Variants in MLIP observed in about 807,000 individuals in gnomAD.
MLIP encodes the protein muscular LMNA-interacting protein.
Under a neutral mutation model 84.8 loss-of-function variants are expected in MLIP, and 79 were observed. The observed-to-expected ratio is 0.93, with a 90% CI of 0.78 to 1.12. The LOEUF (loss-of-function observed/expected upper bound fraction) is 1.12, where lower values mean the gene tolerates loss of function less well. Ranked by LOEUF, MLIP falls within the 50% of genes most tolerant of loss-of-function variation. The pLI is 0.00. For missense variants in MLIP, 1,257 were observed against 1,160.6 expected (o/e 1.08, Z -1.21); for synonymous variants, 504 against 463.0 (o/e 1.09, Z -1.14).
chr6:54,080,040 G>C (rs994498358), intron 1 of MLIP, among the ~76,000 whole-genome samples: 1 of 152,116 alleles, frequency 6.6e-6, no homozygotes, highest in Admixed American at 6.6e-5. Flanking sequence ...AGTTCCTCTG[G>C]CATCACCAGC....
At chr6:54,217,103 G>T (rs567557010) in intron 11 of MLIP, 2 of 985,430 alleles carry the variant, frequency 2.0e-6, no homozygotes, top group East Asian at 2.3e-4. Context: ...GTGGGAAGAT[G>T]GAAGACAGGA....
At chr6:54,084,986 A>G (rs772573402) in intron 1 of MLIP, among the ~76,000 whole-genome samples, 2 of 152,168 alleles carry the variant, frequency 1.3e-5, no homozygotes, top group African/African-American at 2.4e-5. Flanking sequence ...CCACTTCTTG[A>G]AGACATTTCT....
intron 4 of MLIP, among the ~76,000 whole-genome samples, chr6:54,141,339 C>T (rs1238197449): frequency 1.6e-5 from 2 of 126,446 alleles, no homozygotes; most frequent in Non-Finnish European, 1.6e-5. Flanking sequence ...ACACGTCCCA[C>T]TGTGTCGCCC....
Position 54,137,985 on chromosome 6 carries a change from C to A in MLIP, c.1916C>A (p.Ser639Ter). The change falls in exon 4 of 14, where the codon TCA becomes TAA. Residue 639 changes from serine (S) to a stop codon, truncating the protein, a stop_gained. Coordinates refer to ENST00000502396, the MANE Select transcript of MLIP (RefSeq NM_001281747.2). LOFTEE classifies it high-confidence loss of function. ...SQLSGQELNP[S>*]ALPSLPVSSA... is the part of the protein sequence containing the mutation. The stretch of plus-strand genomic sequence containing the variant: ...CTATCTGGCCAGGAGCTGAATCCTT[C>A]AGCTCTTCCTTCACTCCCTGTCTCC... The A allele has an allele frequency of 6.5e-7, 1 of 1,536,106 alleles. No homozygotes were observed. Among genetic ancestry groups the A allele is most frequent in the Non-Finnish European group, 8.7e-7 (1 of 1,146,876 alleles).
chr6:54,179,076 C>T (rs1776589856), intron 9 of MLIP, among the ~76,000 whole-genome samples: 1 of 152,128 alleles, frequency 6.6e-6, no homozygotes, highest in Non-Finnish European at 1.5e-5. Flanking sequence ...TCTGGGTGCT[C>T]CAGTGTTGGC....
chr6:54,199,873 C>G (rs1778553589), intron 10 of MLIP, among the ~76,000 whole-genome samples: 1 of 151,868 alleles, frequency 6.6e-6, no homozygotes, highest in Non-Finnish European at 1.5e-5. Flanking sequence ...CATATGAAGA[C>G]CAAGTAAGTA....
Position 54,261,590 on chromosome 6 carries a change from T to C in MLIP, c.2976+4229T>C, listed in dbSNP as rs115321620. ...GGTGACTATGACTGATTTGCCACTT[T>C]GGTGGTATATAAGCTTTCTGAGTTT... On this transcript the variant is annotated intron_variant, in intron 13 of 13. Coordinates refer to ENST00000502396, the MANE Select transcript of MLIP (RefSeq NM_001281747.2). The C allele has an allele frequency of 2.1e-3, 2,062 of 985,148 alleles. 39 individuals are homozygous for C. The African/African-American group carries it at 0.032, about 15-fold the overall frequency. The allele number at this position is 985,148 out of a possible 1,614,324, so 61.0% of individuals were successfully genotyped here.
chr6:54,148,602 C>T lies in MLIP; in HGVS notation c.2218-454C>T, dbSNP rs552423077. Among the ~76,000 whole-genome samples, 70 of 152,092 alleles carry T rather than the reference C, an allele frequency of 4.6e-4. No individual in the cohort carries two copies. In the Middle Eastern group the frequency reaches 0.014, roughly 30 times the overall value. On this transcript the variant is annotated intron_variant, in intron 4 of 13. Coordinates refer to ENST00000502396, the MANE Select transcript of MLIP (RefSeq NM_001281747.2). ...TTATGTATTTTGATCTCTGTTTTTA[C>T]GGATGATGCAAGAAAATGATCAAGA...
Position 54,086,220 on chromosome 6 carries a change from A to T in MLIP, c.64-35227A>T, listed in dbSNP as rs548755185. Among the ~76,000 whole-genome samples, 3 of 152,236 alleles carry T rather than the reference A, an allele frequency of 2.0e-5. No individual in the cohort carries two copies. In the East Asian group the frequency reaches 5.8e-4, roughly 29 times the overall value. ...GGTTGTACATGCTCTCTATATCTTTATAACTTCCACATTTACATCTCCAGA... is the reference window on the plus strand; with the variant it reads ...GGTTGTACATGCTCTCTATATCTTTTTAACTTCCACATTTACATCTCCAGA... On this transcript the variant is annotated intron_variant, in intron 1 of 12. Coordinates refer to the MLIP transcript ENST00000274897.
intron 11 of MLIP, among the ~76,000 whole-genome samples, chr6:54,221,965 C>T (rs771090236): frequency 6.6e-6 from 1 of 151,954 alleles, no homozygotes; most frequent in African/African-American, 2.4e-5. Flanking sequence ...AAGTTCCTGA[C>T]ATTTGTAAAT....
intron 1 of MLIP, chr6:54,083,485 C>A: frequency 6.5e-7 from 1 of 1,533,440 alleles, no homozygotes; most frequent in Non-Finnish European, 8.7e-7. Flanking sequence ...CTGACACAGG[C>A]AAGTGTTTGT....
At chr6:54,169,672 T>C (rs942379864) in intron 9 of MLIP, 100 bp downstream of exon 9, 2 of 706,922 alleles carry the variant, frequency 2.8e-6, no homozygotes, top group Admixed American at 7.6e-5. Context: ...GAATTAATTG[T>C]TTTTTTATAA....
intron 1 of MLIP, among the ~76,000 whole-genome samples, chr6:54,074,367 T>A (rs1296877418): frequency 6.6e-6 from 1 of 152,204 alleles, no homozygotes; most frequent in East Asian, 1.9e-4. Context: ...AGCATGGGAC[T>A]GCTTTTCTTT....
intron 1 of MLIP, among the ~76,000 whole-genome samples, chr6:54,070,430 G>A (rs972208465): frequency 1.3e-5 from 2 of 152,122 alleles, no homozygotes; most frequent in African/African-American, 4.8e-5. Flanking sequence ...AAACATGCTA[G>A]TATATGCAGT....
intron 3 of MLIP, among the ~76,000 whole-genome samples, chr6:54,129,535 A>G (rs147098047): frequency 6.6e-6 from 1 of 152,308 alleles, no homozygotes; most frequent in East Asian, 1.9e-4. Context: ...TAGAGTATGG[A>G]AGAGCACCTA....
chr6:54,241,640 T>C, intron 12 of MLIP, among the ~76,000 whole-genome samples: 1 of 152,180 alleles, frequency 6.6e-6, no homozygotes, highest in East Asian at 1.9e-4. Context: ...TTTTAAATTA[T>C]AGCAATTATT....
intron 1 of MLIP, among the ~76,000 whole-genome samples, chr6:54,118,056 A>G (rs1199562384): frequency 2.0e-5 from 3 of 152,232 alleles, no homozygotes; most frequent in Non-Finnish European, 2.9e-5. Context: ...TACTGTGTTC[A>G]TGAATTGGAA....
At chr6:54,265,872 T>C in intron 13 of MLIP, 78 bp from the exon 14 acceptor site, 2 of 1,367,246 alleles carry the variant, frequency 1.5e-6, no homozygotes, top group South Asian at 2.5e-5. Flanking sequence ...TATGCCCAAA[T>C]ATTAATGTAT....
intron 4 of MLIP, among the ~76,000 whole-genome samples, chr6:54,138,891 G>A (rs2797430): frequency 0.29 from 44,401 of 151,956 alleles, 6,667 homozygotes; most frequent in Admixed American, 0.34. Flanking sequence ...AAACAAAACA[G>A]TTAAAGTGCC....
Sources: allele counts gnomAD v4.1 joint callset (sites outside exome capture counted in the v4.1 genomes callset), GRCh38; gene constraint gnomAD v4.1.1; transcripts MANE v1.5; gene names NCBI Gene and HGNC (gene_info 2026-07-23, HGNC 2026-07-21).